The following PPP2R2C variants were observed in gnomAD, a reference collection of about 807,000 sequenced individuals.
PPP2R2C encodes protein phosphatase 2, regulatory subunit B, gamma.
A neutral mutation model predicts 45.3 loss-of-function variants in PPP2R2C; 10 were observed. The observed-to-expected ratio is 0.22, with a 90% CI of 0.14 to 0.37. The LOEUF is 0.37. Ranked by LOEUF, PPP2R2C falls within the 10% of genes least tolerant of loss-of-function variation. PPP2R2C has a pLI of 1.00. For missense variants in PPP2R2C, 308 were observed against 619.7 expected, an observed-to-expected ratio of 0.50 and a Z score of 5.34; for synonymous variants, 257 against 245.4, an observed-to-expected ratio of 1.05 and a Z score of -0.44.
chr4:6,447,954 A>C (rs1577190344), intron 1 of PPP2R2C, among the ~76,000 whole-genome samples: 1 of 152,124 alleles, frequency 6.6e-6, no homozygotes. Context: ...TCTGGGATTC[A>C]CTCAGTTATT....
At chr4:6,383,434 C>T (rs901299217) in intron 1 of PPP2R2C, 8 of 1,289,344 alleles carry the variant, frequency 6.2e-6, no homozygotes, top group East Asian at 5.5e-5. Flanking sequence ...TACTGCTCTC[C>T]ACCTGCTTAT....
rs542339558 is a variant in PPP2R2C, at chr4:6,410,083, C to T, written c.71-28989G>A. On this transcript the variant is annotated intron_variant, in intron 1 of 8. Transcript: ENST00000382599. ...CTCCACACCACTGGGCAAGCTGGCT[C>T]GGGGCAGACACCCCTGCTCAGAAGC... Among the ~76,000 whole-genome samples the T allele has an allele frequency of 1.8e-4, 27 of 152,286 alleles. No individual in the cohort carries two copies. The East Asian group carries it at 3.3e-3, about 19-fold the overall frequency.
chr4:6,516,594 C>T lies in PPP2R2C; in HGVS notation c.49+18677G>A, dbSNP rs75023045. On this transcript the variant is annotated intron_variant, in intron 2 of 9. Transcript: ENST00000506140. ...GACTCCTCCTCCCAGGCCCTGTGAGCGTGTGCTGCCTGTCGTGGCTTCTAT... is the reference window on the plus strand; with the variant it reads ...GACTCCTCCTCCCAGGCCCTGTGAGTGTGTGCTGCCTGTCGTGGCTTCTAT... Among the ~76,000 whole-genome samples, 922 of 152,300 alleles carry T rather than the reference C, an allele frequency of 6.1e-3. 10 individuals carry two copies. The highest frequency in any genetic ancestry group is 0.021 in the African/African-American group (878 of 41,562).
rs775008868 is a variant in PPP2R2C, at chr4:6,375,870, C to T, written c.396G>A (p.Leu132=). Residue 132 remains leucine, a synonymous_variant, in exon 4 of 9, where the codon CTG becomes CTA. Coordinates refer to ENST00000382599, the MANE Select transcript of PPP2R2C (RefSeq NM_020416.4). ...CCTTAAGTTTCCCCTCTTCATCCTT[C>T]AGGTTGTATCCTTCGGGCCTTTTAT... ...ERDKRPEGYN[L]KDEEGKLKDL... 7 of 1,614,206 alleles carry T rather than the reference C, an allele frequency of 4.3e-6. No individual in the cohort carries two copies. The Admixed American group carries it at 1.2e-4, about 27-fold the overall frequency.
chr4:6,456,846 C>T (rs867385962), intron 1 of PPP2R2C, among the ~76,000 whole-genome samples: 27 of 152,322 alleles, frequency 1.8e-4, no homozygotes, highest in Non-Finnish European at 2.4e-4. Flanking sequence ...AGGGCCCATG[C>T]GGTGACCACT....
rs1264684681 is a variant in PPP2R2C at position 6,378,784 on chromosome 4, ACACT to A, written c.169-216_169-213del. On this transcript the variant is annotated intron_variant, in intron 2 of 8. Transcript: ENST00000382599. This position sits in a 1 kb window ranked among gnomAD's most constrained non-coding sequence, Gnocchi z 5.2. ...CCCCGCTCCCGTGCGGTCCCATGAA[ACACT>A]CACACCCGAGCCGGCTAACTTGCTA... Among the ~76,000 whole-genome samples, 14 of 151,940 alleles carry A rather than the reference ACACT, an allele frequency of 9.2e-5. No homozygotes were observed. Among genetic ancestry groups the A allele is most frequent in the African/African-American group, 3.1e-4 (13 of 41,346 alleles).
rs1023975992 is a variant in PPP2R2C at position 6,330,575 on chromosome 4, G to A, written c.961-1222C>T. 3.3e-5 allele frequency among the ~76,000 whole-genome samples: 5 copies of A among 152,162 alleles called. No individual in the cohort carries two copies. The highest frequency in any genetic ancestry group is 4.8e-5 in the African/African-American group (2 of 41,420). On this transcript the variant is annotated intron_variant, in intron 7 of 8. Coordinates refer to ENST00000382599, the MANE Select transcript of PPP2R2C (RefSeq NM_020416.4). This position sits in a 1 kb window ranked among gnomAD's most constrained non-coding sequence, Gnocchi z 7.0. Reference sequence around the variant, plus strand: ...ACCGGGGGATTCCGCTAACAGATGCGTGTGGGCTCGCATAGTCACTCTCCC... The same window carrying A: ...ACCGGGGGATTCCGCTAACAGATGCATGTGGGCTCGCATAGTCACTCTCCC...
intron 4 of PPP2R2C, among the ~76,000 whole-genome samples, chr4:6,375,323 T>TCTG (rs1316386278): frequency 6.6e-6 from 1 of 152,218 alleles, no homozygotes; most frequent in Non-Finnish European, 1.5e-5. Flanking sequence ...CACGTGTGTG[T>TCTG]CTGTTTCAGG....
chr4:6,556,264 T>C (rs1201891035), intron 1 of PPP2R2C, among the ~76,000 whole-genome samples: 1 of 152,052 alleles, frequency 6.6e-6, no homozygotes, highest in Non-Finnish European at 1.5e-5. Context: ...TGGATGGGCC[T>C]CCCCCAGTTT....
chr4:6,343,163 C>T (rs959276626), intron 6 of PPP2R2C, among the ~76,000 whole-genome samples: 1 of 152,186 alleles, frequency 6.6e-6, no homozygotes, highest in Non-Finnish European at 1.5e-5. Flanking sequence ...AAAGCGGCTG[C>T]GTGCTTGATT....
chr4:6,384,412 C>T (rs1716077408), intron 1 of PPP2R2C: 1 of 984,854 alleles, frequency 1.0e-6, no homozygotes, highest in Non-Finnish European at 1.2e-6. Flanking sequence ...TTTAGGGTAG[C>T]TGGAACAAAA....
At chr4:6,486,690 G>C (rs1352088819) in intron 2 of PPP2R2C, among the ~76,000 whole-genome samples, 1 of 151,964 alleles carries the variant, frequency 6.6e-6, no homozygotes, top group Non-Finnish European at 1.5e-5. Flanking sequence ...ATTAGTGTTA[G>C]TTAACGCAAT....
chr4:6,333,484 T>A (rs1732582559), intron 7 of PPP2R2C, 78 bp downstream of exon 7: 1 of 1,515,506 alleles, frequency 6.6e-7, no homozygotes, highest in Non-Finnish European at 8.9e-7. Flanking sequence ...CACGCCTGGC[T>A]AGGAAGGCCC....
chr4:6,336,284 G>A (rs1345597922), intron 6 of PPP2R2C, among the ~76,000 whole-genome samples: 2 of 152,120 alleles, frequency 1.3e-5, no homozygotes, highest in East Asian at 1.9e-4. Flanking sequence ...CTTCTCAGTG[G>A]CCCGAGCTTT....
rs575271240 is a variant in PPP2R2C at position 6,332,057 on chromosome 4, G to C, written c.960+1505C>G. 3.3e-5 allele frequency among the ~76,000 whole-genome samples: 5 copies of C among 152,264 alleles called. No individual in the cohort carries two copies. The East Asian group carries it at 9.6e-4, about 29-fold the overall frequency. On this transcript the variant is annotated intron_variant, in intron 7 of 8. Coordinates refer to ENST00000382599, the MANE Select transcript of PPP2R2C (RefSeq NM_020416.4). The surrounding 1 kb of genome is among the most constrained non-coding windows in gnomAD (Gnocchi z 4.9). ...GAACAGTCATTCCCCTCCTTCGTGG[G>C]GTCCTTCATGAGAATTTCAGAAAGC...
chr4:6,334,601 G>A (rs1732697000), intron 6 of PPP2R2C, among the ~76,000 whole-genome samples: 1 of 152,122 alleles, frequency 6.6e-6, no homozygotes, highest in Admixed American at 6.5e-5. Context: ...AAGTAGCGTG[G>A]GGACTAGGAC....
chr4:6,534,183 C>T (rs1443945778), intron 2 of PPP2R2C, among the ~76,000 whole-genome samples: 3 of 150,524 alleles, frequency 2.0e-5, no homozygotes, highest in African/African-American at 7.4e-5. Flanking sequence ...TCAACACACA[C>T]ATCAACACAT....
chr4:6,506,772 G>A (rs980481859), intron 2 of PPP2R2C, among the ~76,000 whole-genome samples: 5 of 152,174 alleles, frequency 3.3e-5, no homozygotes, highest in African/African-American at 1.2e-4. Context: ...AGTGGGGGCT[G>A]CACTCATCTG....
Position 6,511,456 on chromosome 4 carries a change from A to G in PPP2R2C, c.49+23815T>C, listed in dbSNP as rs1440259640. ...GGTGGTGGTGACGGTGGTGGTGGTG[A>G]TGATGACGGTGGTGGTGGTGATGGC... On this transcript the variant is annotated intron_variant, in intron 2 of 9. Coordinates refer to the PPP2R2C transcript ENST00000506140. Among the ~76,000 whole-genome samples the G allele has an allele frequency of 2.4e-3, 155 of 65,478 alleles. 2 individuals carry two copies. Among genetic ancestry groups the G allele is most frequent in the African/African-American group, 7.2e-3 (93 of 12,984 alleles). 43.0% of individuals were successfully genotyped at this position (65,478 alleles called of 152,430 possible). A position where few individuals can be genotyped will look rare whatever the true frequency, so the allele number is the denominator to read the frequency against.
Sources: allele counts gnomAD v4.1 joint callset (sites outside exome capture counted in the v4.1 genomes callset), GRCh38; gene constraint gnomAD v4.1.1; non-coding constraint Gnocchi (gnomAD v3.1); transcripts MANE v1.5; gene names NCBI Gene and HGNC (gene_info 2026-07-23, HGNC 2026-07-21).